ARHGAP22: variants seen among roughly 807,000 people sequenced by gnomAD.
ARHGAP22 encodes rho GTPase-activating protein 22.
A neutral mutation model predicts 59.1 loss-of-function variants in ARHGAP22; 48 were observed. That is an observed-to-expected ratio of 0.81 (90% CI 0.64 to 1.03). ARHGAP22 has a LOEUF of 1.03. Among genes scored for constraint, ARHGAP22 ranks in the 50% least tolerant of loss-of-function variants. The pLI is 0.00. For missense variants in ARHGAP22, 1,015 were observed against 958.7 expected, an observed-to-expected ratio of 1.06 and a Z score of -0.78; for synonymous variants, 445 against 416.4, an observed-to-expected ratio of 1.07 and a Z score of -0.84.
At chr10:48,554,647 C>A (rs972446230) in intron 3 of ARHGAP22, among the ~76,000 whole-genome samples, 1 of 151,396 alleles carries the variant, frequency 6.6e-6, no homozygotes, top group Non-Finnish European at 1.5e-5. Context: ...CCCCAGAAAG[C>A]AGTTCTCAAG....
At position 48,618,048 on chromosome 10, in the gene ARHGAP22, TG is replaced by T. The variant is rs529911068; in HGVS notation, c.52+34185del. The stretch of plus-strand genomic sequence containing the variant: ...AATACAAATGATCATTAGAGATTAA[TG>T]TGTACAACTATATACCAACAAATGA... On this transcript the variant is annotated intron_variant, in intron 1 of 9. Transcript: ENST00000435790. Among the ~76,000 whole-genome samples the T allele has an allele frequency of 4.6e-5, 7 of 152,088 alleles. No homozygotes were observed. In the South Asian group the frequency reaches 1.0e-3, roughly 23 times the overall value.
intron 1 of ARHGAP22, among the ~76,000 whole-genome samples, chr10:48,587,112 C>A (rs1299460634): frequency 1.3e-5 from 2 of 152,222 alleles, no homozygotes; most frequent in Non-Finnish European, 2.9e-5. Flanking sequence ...GTGAGCCGAG[C>A]CTCTGATAAG....
At chr10:48,455,314 C>T (rs891030853) in intron 5 of ARHGAP22, among the ~76,000 whole-genome samples, 180 bp from the exon 6 acceptor site, 1 of 152,170 alleles carries the variant, frequency 6.6e-6, no homozygotes, top group Non-Finnish European at 1.5e-5. Flanking sequence ...CTTCTGGGAG[C>T]AGTGGATAGA....
chr10:48,456,107 G>A (rs547290303), intron 5 of ARHGAP22, among the ~76,000 whole-genome samples: 105 of 152,262 alleles, frequency 6.9e-4, no homozygotes, highest in African/African-American at 2.2e-3. Flanking sequence ...CCGAGCTTGC[G>A]TTCCAAGCCG....
chr10:48,523,484 C>T (rs2054006411), intron 3 of ARHGAP22, among the ~76,000 whole-genome samples: 2 of 152,258 alleles, frequency 1.3e-5, no homozygotes, highest in African/African-American at 4.8e-5. Context: ...TTTGGGCCCT[C>T]TCCAAGACTG....
At chr10:48,597,925 C>T (rs1050622810) in intron 1 of ARHGAP22, among the ~76,000 whole-genome samples, 1 of 152,244 alleles carries the variant, frequency 6.6e-6, no homozygotes. Context: ...GACTACCTTG[C>T]TGCCTTGGAT....
chr10:48,555,117 T>G (rs537112780), intron 3 of ARHGAP22, among the ~76,000 whole-genome samples: 1 of 152,226 alleles, frequency 6.6e-6, no homozygotes, highest in African/African-American at 2.4e-5. Flanking sequence ...TACCTAAATA[T>G]TCTTGATCTG....
intron 1 of ARHGAP22, among the ~76,000 whole-genome samples, chr10:48,597,628 C>T (rs1375336661): frequency 6.6e-6 from 1 of 152,176 alleles, no homozygotes; most frequent in African/African-American, 2.4e-5. Context: ...GGCCCTGTTT[C>T]TTGCTCCCGC....
intron 3 of ARHGAP22, among the ~76,000 whole-genome samples, chr10:48,487,895 A>G (rs1018095056): frequency 1.3e-5 from 2 of 152,032 alleles, no homozygotes; most frequent in Admixed American, 1.3e-4. Context: ...CAAGACCCCA[A>G]CTCTATGAAA....
At position 48,446,107 on chromosome 10, in the gene ARHGAP22, T is replaced by C. The variant is rs1306425586; in HGVS notation, c.*284A>G. The C allele has an allele frequency of 2.2e-6, 1 of 451,346 alleles. No individual in the cohort carries two copies. Among genetic ancestry groups the C allele is most frequent in the African/African-American group, 1.9e-5 (1 of 51,340 alleles). 28.0% of individuals were successfully genotyped at this position (451,346 alleles called of 1,614,324 possible). A position where few individuals can be genotyped will look rare whatever the true frequency, so the allele number is the denominator to read the frequency against. On this transcript the variant is annotated 3_prime_UTR_variant, in exon 10 of 10. Transcript: ENST00000249601. ...CTGCCTGGATCCTGGGCGCCCTCCA[T>C]TTCTGTGGCCATGAAGGATATTTCC...
chr10:48,452,174 C>T (rs565308295), intron 8 of ARHGAP22, among the ~76,000 whole-genome samples: 5 of 152,272 alleles, frequency 3.3e-5, no homozygotes, highest in South Asian at 2.1e-4. Context: ...GGGCCTGCAG[C>T]GGAGGTGGGC....
intron 1 of ARHGAP22, among the ~76,000 whole-genome samples, chr10:48,629,401 C>T (rs766649817): frequency 4.6e-5 from 7 of 152,138 alleles, no homozygotes; most frequent in Non-Finnish European, 8.8e-5. Context: ...CTTCTAGAAA[C>T]TTCATATTTT....
At chr10:48,652,203 T>C in intron 1 of ARHGAP22, 1 of 1,525,642 alleles carries the variant, frequency 6.6e-7, no homozygotes, top group Non-Finnish European at 8.8e-7. Context: ...AAGGTAATCA[T>C]TTCCCACATA....
chr10:48,462,023 T>C (rs1214988409), intron 4 of ARHGAP22, among the ~76,000 whole-genome samples: 1 of 152,178 alleles, frequency 6.6e-6, no homozygotes, highest in Non-Finnish European at 1.5e-5. Flanking sequence ...ACAAAGTGTA[T>C]AAAACCTGAA....
chr10:48,433,029 T>C, the ARHGAP22 span, among the ~76,000 whole-genome samples: 14 of 152,214 alleles, frequency 9.2e-5, no homozygotes, highest in African/African-American at 3.4e-4. Context: ...TCGAGTGCCT[T>C]CCTATCTTTG....
At chr10:48,552,270 C>T (rs2056954584) in intron 3 of ARHGAP22, among the ~76,000 whole-genome samples, 1 of 152,268 alleles carries the variant, frequency 6.6e-6, no homozygotes, top group Admixed American at 6.5e-5. Context: ...TACCACAGGC[C>T]AGCACAGGCA....
chr10:48,452,643 T>C (rs1589430486), intron 8 of ARHGAP22, among the ~76,000 whole-genome samples: 1 of 152,214 alleles, frequency 6.6e-6, no homozygotes, highest in African/African-American at 2.4e-5. Context: ...CCATGGGCCC[T>C]ATGAGGTGGG....
chr10:48,594,148 C>A (rs972970461), intron 1 of ARHGAP22, among the ~76,000 whole-genome samples: 2 of 152,204 alleles, frequency 1.3e-5, no homozygotes, highest in African/African-American at 4.8e-5. Context: ...CCACAGCAAG[C>A]AAGAAGGTCA....
chr10:48,469,899 C>G (rs755327012), intron 4 of ARHGAP22, among the ~76,000 whole-genome samples: 1 of 152,242 alleles, frequency 6.6e-6, no homozygotes, highest in Non-Finnish European at 1.5e-5. Flanking sequence ...AGCACCCAGG[C>G]TCTGCACTCC....
Sources: gnomAD v4.1 joint callset for allele counts (sites outside exome capture counted in the v4.1 genomes callset) on GRCh38, gnomAD v4.1.1 for gene constraint, MANE v1.5 for transcripts, NCBI Gene and HGNC (gene_info 2026-07-23, HGNC 2026-07-21) for gene names.